Variants in TPD52L1 observed in about 807,000 individuals in gnomAD.
The protein encoded by TPD52L1 is TPD52 like 1, also known as tumor protein D53.
In TPD52L1, 18 loss-of-function variants were observed where a neutral mutation model predicts 28.7. The observed-to-expected ratio is 0.63, with a 90% confidence interval of 0.43 to 0.93. TPD52L1 has a LOEUF of 0.93. TPD52L1 is among the 40% of genes least tolerant of loss of function. The pLI is 0.00. For synonymous variants in TPD52L1, 75 were observed against 88.8 expected (o/e 0.84, Z 0.88); for missense variants, 203 against 254.8 (o/e 0.80, Z 1.39).
chr6:125,193,211 TG>T (rs1562256969), intron 1 of TPD52L1, among the ~76,000 whole-genome samples: 1 of 152,250 alleles, frequency 6.6e-6, no homozygotes, highest in East Asian at 1.9e-4. Context: ...ATTTTCAAGT[TG>T]GGGGGATGGA....
intron 1 of TPD52L1, among the ~76,000 whole-genome samples, chr6:125,202,511 C>G (rs1793856196): frequency 6.6e-6 from 1 of 151,958 alleles, no homozygotes; most frequent in Non-Finnish European, 1.5e-5. Flanking sequence ...ACTCAGCTAA[C>G]CAAAGAAATG....
intron 1 of TPD52L1, among the ~76,000 whole-genome samples, chr6:125,200,430 A>G (rs1793731600): frequency 6.6e-6 from 1 of 152,222 alleles, no homozygotes; most frequent in Admixed American, 6.5e-5. Context: ...TAATTTTTAA[A>G]TGTCCCTCAG....
intron 1 of TPD52L1, among the ~76,000 whole-genome samples, chr6:125,163,596 A>G (rs1790670516): frequency 6.6e-6 from 1 of 151,326 alleles, no homozygotes; most frequent in African/African-American, 2.4e-5. Flanking sequence ...AAAAAAAAAA[A>G]AGAACAAAAA....
At chr6:125,220,604 A>G (rs1459946129) in intron 2 of TPD52L1, among the ~76,000 whole-genome samples, 1 of 152,228 alleles carries the variant, frequency 6.6e-6, no homozygotes, top group East Asian at 1.9e-4. Flanking sequence ...TTACTTTGAA[A>G]TGATTTTTTT....
chr6:125,200,284 T>G (rs1277209442), intron 1 of TPD52L1, among the ~76,000 whole-genome samples: 1 of 152,232 alleles, frequency 6.6e-6, no homozygotes, highest in African/African-American at 2.4e-5. Context: ...TGTTCAAGAT[T>G]GTCTATAATT....
chr6:125,261,717 A>T (rs1222149635), intron 6 of TPD52L1: 1 of 151,004 alleles, frequency 6.6e-6, no homozygotes, highest in Non-Finnish European at 1.5e-5. Flanking sequence ...TTAATAAGGG[A>T]TTTTTAGCAG....
intron 2 of TPD52L1, among the ~76,000 whole-genome samples, chr6:125,228,377 A>G (rs1381072981): frequency 2.0e-5 from 3 of 152,250 alleles, no homozygotes; most frequent in African/African-American, 7.2e-5. Context: ...ATTGTATGAC[A>G]GTTACAGGTC....
intron 1 of TPD52L1, among the ~76,000 whole-genome samples, chr6:125,158,415 T>C (rs544943290): frequency 6.6e-6 from 1 of 152,250 alleles, no homozygotes; most frequent in South Asian, 2.1e-4. Context: ...ACATTATACA[T>C]TATACTTTAC....
chr6:125,183,951 T>A (rs1317417032), intron 1 of TPD52L1, among the ~76,000 whole-genome samples: 1 of 152,192 alleles, frequency 6.6e-6, no homozygotes, highest in Non-Finnish European at 1.5e-5. Context: ...ATTATTATTG[T>A]CTCAGTAAAA....
chr6:125,255,530 T>A (rs905335335), intron 5 of TPD52L1, among the ~76,000 whole-genome samples: 8 of 152,190 alleles, frequency 5.3e-5, no homozygotes, highest in South Asian at 2.1e-4. Flanking sequence ...CCATTGTTAA[T>A]CTGTACAGCC....
intron 1 of TPD52L1, among the ~76,000 whole-genome samples, chr6:125,159,034 C>T (rs1239737760): frequency 2.6e-5 from 4 of 152,306 alleles, no homozygotes; most frequent in South Asian, 4.2e-4. Context: ...GCCTGGATGT[C>T]GATGGCTGCT....
chr6:125,243,198 A>T (rs1796717796), intron 3 of TPD52L1, among the ~76,000 whole-genome samples: 1 of 152,104 alleles, frequency 6.6e-6, no homozygotes, highest in Non-Finnish European at 1.5e-5. Flanking sequence ...GGTTTTCCTT[A>T]ATAGGTTACC....
rs1482985801 is a variant in TPD52L1, at chr6:125,260,936, GAAAGAAAGAAAGAAAGAAAGAAAGA to G, written c.487-1895_487-1871del. On this transcript the variant is annotated intron_variant, in intron 6 of 6. Transcript: ENST00000534000. ...AAGAAAGAAAGAAGAAAGAAAGAAAGAAAGAAAGAAAGAAAGAAAGAAAGAAAGAAAGAAAGAAAGAAAAGAAAAG... is the reference window on the plus strand; with the variant it reads ...AAGAAAGAAAGAAGAAAGAAAGAAAGAAGAAAGAAAGAAAGAAAAGAAAAG... 2 of 79,244 alleles carry G rather than the reference GAAAGAAAGAAAGAAAGAAAGAAAGA, an allele frequency of 2.5e-5. 1 individual carries two copies. The highest frequency in any genetic ancestry group is 9.8e-5 in the African/African-American group (2 of 20,386). 4.9% of individuals were successfully genotyped at this position (79,244 alleles called of 1,614,324 possible). A position where few individuals can be genotyped will look rare whatever the true frequency, so the allele number is the denominator to read the frequency against.
At chr6:125,248,877 TCTAA>T (rs1245282991) in intron 4 of TPD52L1, among the ~76,000 whole-genome samples, 1 of 152,196 alleles carries the variant, frequency 6.6e-6, no homozygotes, top group Non-Finnish European at 1.5e-5. Flanking sequence ...TTCTTCATTT[TCTAA>T]CTATTTTGTG....
Position 125,220,212 on chromosome 6 carries a change from T to C in TPD52L1, c.135+19T>C, listed in dbSNP as rs756891421. The C allele has an allele frequency of 6.8e-7, 1 of 1,471,464 alleles. No individual in the cohort carries two copies. Among genetic ancestry groups the C allele is most frequent in the Non-Finnish European group, 9.5e-7 (1 of 1,050,572 alleles). 91.2% of individuals were successfully genotyped at this position (1,471,464 alleles called of 1,614,324 possible). The stretch of plus-strand genomic sequence containing the variant: ...AGTTCAGGTATGTTTAGTAATCTTA[T>C]TGTTGCTATTTCTATCTCTGGATCT... On this transcript the variant is annotated intron_variant, in intron 2 of 6. Coordinates refer to ENST00000534000, the MANE Select transcript of TPD52L1 (RefSeq NM_003287.4).
At chr6:125,211,488 TG>T (rs1437768824) in intron 1 of TPD52L1, among the ~76,000 whole-genome samples, 1 of 152,092 alleles carries the variant, frequency 6.6e-6, no homozygotes, top group Non-Finnish European at 1.5e-5. Context: ...TCCAGAGAAA[TG>T]TGCCCGAATG....
At chr6:125,235,881 T>C (rs1226716060) in intron 3 of TPD52L1, among the ~76,000 whole-genome samples, 1 of 152,120 alleles carries the variant, frequency 6.6e-6, no homozygotes, top group Non-Finnish European at 1.5e-5. Context: ...AGTCTATATA[T>C]ATATAAAAGG....
chr6:125,178,645 C>T (rs1409960070), intron 1 of TPD52L1, among the ~76,000 whole-genome samples: 125 of 143,980 alleles, frequency 8.7e-4, no homozygotes, highest in African/African-American at 3.2e-3. Context: ...CAAAACAAAA[C>T]AAAACAAAAC....
chr6:125,233,349 T>C (rs971963512), intron 3 of TPD52L1, among the ~76,000 whole-genome samples: 10 of 152,218 alleles, frequency 6.6e-5, no homozygotes, highest in African/African-American at 2.4e-4. Flanking sequence ...TTCTAAGACT[T>C]CCAGGCCATT....
Sources: allele counts gnomAD v4.1 joint callset (sites outside exome capture counted in the v4.1 genomes callset), GRCh38; gene constraint gnomAD v4.1.1; transcripts MANE v1.5; gene names NCBI Gene and HGNC (gene_info 2026-07-23, HGNC 2026-07-21).